Variants in ACSF3 observed in about 807,000 individuals in gnomAD.
ACSF3 encodes the protein malonate--CoA ligase ACSF3, mitochondrial.
ACSF3 carries 78 observed loss-of-function variants against 53.2 expected under a neutral mutation model. That is an observed-to-expected ratio of 1.47 (90% confidence interval 1.22 to 1.77). The LOEUF (loss-of-function observed/expected upper bound fraction) is 1.77, where lower values mean the gene tolerates loss of function less well. Ranked by LOEUF, ACSF3 falls within the 40% of genes most tolerant of loss-of-function variation. The probability of loss-of-function intolerance (pLI) is 0.00; values close to 1 mark genes in which losing one functional copy is unlikely to be tolerated. For missense variants in ACSF3, 937 were observed against 771.1 expected, an observed-to-expected ratio of 1.22 and a Z score of -2.55; for synonymous variants, 414 against 333.1, an observed-to-expected ratio of 1.24 and a Z score of -2.65.
intron 4 of ACSF3, among the ~76,000 whole-genome samples, chr16:89,110,543 G>A (rs1234063721): frequency 1.3e-5 from 2 of 152,174 alleles, no homozygotes; most frequent in Non-Finnish European, 2.9e-5. Flanking sequence ...GCATCACACT[G>A]TGTTCGTTAC....
At chr16:89,147,524 C>CGGGGGG (rs1196214718) in intron 10 of ACSF3, 1 of 2,788 alleles carries the variant, frequency 3.6e-4, no homozygotes, top group African/African-American at 2.0e-3. Flanking sequence ...ACAGAGTGAG[C>CGGGGGG]GGGGGGGGGG....
chr16:89,116,673 G>C (rs571247164), intron 6 of ACSF3, among the ~76,000 whole-genome samples: 33 of 152,310 alleles, frequency 2.2e-4, no homozygotes, highest in African/African-American at 7.0e-4. Context: ...GGCAGTGGGC[G>C]GGTGGGGGCA....
chr16:89,140,538 G>C (rs1911552085), intron 8 of ACSF3, among the ~76,000 whole-genome samples: 1 of 152,202 alleles, frequency 6.6e-6, no homozygotes, highest in Non-Finnish European at 1.5e-5. Context: ...GTGCCATTTG[G>C]GAGCAAAAGT....
At chr16:89,119,576 A>G (rs1906103493) in intron 6 of ACSF3, among the ~76,000 whole-genome samples, 1 of 152,132 alleles carries the variant, frequency 6.6e-6, no homozygotes, top group Non-Finnish European at 1.5e-5. Flanking sequence ...GAAGCAAAAC[A>G]TAAAGGAGGA....
At chr16:89,137,078 GAGC>G (rs370360436) in intron 8 of ACSF3, among the ~76,000 whole-genome samples, 8 of 152,136 alleles carry the variant, frequency 5.3e-5, no homozygotes, top group Admixed American at 6.5e-5. Flanking sequence ...GCAGATGCGG[GAGC>G]AGCAGCAGCA....
chr16:89,114,594 A>T, intron 6 of ACSF3, 107 bp downstream of exon 6: 1 of 1,536,868 alleles, frequency 6.5e-7, no homozygotes, highest in Non-Finnish European at 8.8e-7. Context: ...GGCATGGAGG[A>T]TGCTCCCCCG....
intron 8 of ACSF3, among the ~76,000 whole-genome samples, chr16:89,139,937 C>T (rs927880541): frequency 6.6e-6 from 1 of 152,200 alleles, no homozygotes; most frequent in African/African-American, 2.4e-5. Context: ...TGTCCCCAGA[C>T]CCCTGAGCCC....
At chr16:89,142,818 C>A (rs563635287) in intron 8 of ACSF3, among the ~76,000 whole-genome samples, 1 of 152,390 alleles carries the variant, frequency 6.6e-6, no homozygotes, top group South Asian at 2.1e-4. Flanking sequence ...GACACACCCA[C>A]ACCTAAGGAG....
chr16:89,121,582 T>A (rs1304932830), intron 7 of ACSF3, among the ~76,000 whole-genome samples: 1 of 152,230 alleles, frequency 6.6e-6, no homozygotes, highest in Non-Finnish European at 1.5e-5. Context: ...GGAATCTTGA[T>A]TTAAAAGGAA....
intron 8 of ACSF3, among the ~76,000 whole-genome samples, chr16:89,137,489 AG>A (rs941102044): frequency 2.6e-5 from 3 of 115,860 alleles, no homozygotes; most frequent in African/African-American, 1.0e-4. Flanking sequence ...GGAAAGATTG[AG>A]GGGAAGAGCC....
intron 7 of ACSF3, among the ~76,000 whole-genome samples, chr16:89,124,695 A>ATGTG (rs60796279): frequency 2.0e-5 from 3 of 151,194 alleles, no homozygotes; most frequent in African/African-American, 7.3e-5. Flanking sequence ...CACACACTGC[A>ATGTG]TGTGTGTGTG....
chr16:89,134,685 TGAG>T (rs1910057917), intron 8 of ACSF3, among the ~76,000 whole-genome samples: 1 of 152,240 alleles, frequency 6.6e-6, no homozygotes, highest in African/African-American at 2.4e-5. Context: ...TGCTGTGCTC[TGAG>T]GAGATAGATG....
At chr16:89,148,436 C>T (rs1913512515) in intron 10 of ACSF3, 1 of 152,218 alleles carries the variant, frequency 6.6e-6, no homozygotes, top group Admixed American at 6.5e-5. Flanking sequence ...TCTCCTAAGA[C>T]CCATGTCTCA....
In ACSF3 at chr16:89,102,660, G is replaced by A. The variant is rs1597898369; in HGVS notation, c.723G>A (p.Val241=). 1.2e-6 allele frequency: 2 copies of A among 1,613,834 alleles called. No individual in the cohort carries two copies. Among genetic ancestry groups the A allele is most frequent in the East Asian group, 4.5e-5 (2 of 44,882 alleles). ...AWTKDDVILH[V]LPLHHVHGVV... is the part of the protein sequence containing the mutation. ...CCAAAGACGACGTGATCCTCCACGT[G>A]CTCCCGCTGCACCACGTCCATGGTG... The change falls in exon 4 of 11, where the codon GTG becomes GTA. Residue 241 remains valine (V), a synonymous_variant. Coordinates refer to ENST00000614302, the MANE Select transcript of ACSF3 (RefSeq NM_001243279.3).
Position 89,114,275 on chromosome 16 carries a change from G to A in ACSF3, c.978-64G>A, listed in dbSNP as rs181343421. 2.8e-4 allele frequency: 456 copies of A among 1,606,958 alleles called. 5 individuals are homozygous for A. In the East Asian group the frequency reaches 5.1e-3, roughly 18 times the overall value. On this transcript the variant is annotated intron_variant, in intron 5 of 10. Transcript: ENST00000614302. ...GGCCGCCTCCTGAGGGGCTAAACCT[G>A]CCACCTTTGCACGCGAGAGCCACGT...
rs985319713 is a variant in ACSF3, at chr16:89,155,283, C to T, written c.*1076C>T. On this transcript the variant is annotated 3_prime_UTR_variant, in exon 11 of 11. Coordinates refer to ENST00000614302, the MANE Select transcript of ACSF3 (RefSeq NM_001243279.3). The stretch of plus-strand genomic sequence containing the variant: ...GAACTTACCCAGAACATTCTGCCCC[C>T]GGAATGCACGTCTGAAAGAGTGGCC... 6.8e-5 allele frequency: 31 copies of T among 454,122 alleles called. No homozygotes were observed. The highest frequency in any genetic ancestry group is 1.4e-3 in the Middle Eastern group (2 of 1,444). The allele number at this position is 454,122 out of a possible 1,614,324, so 28.1% of individuals were successfully genotyped here.
At chr16:89,147,495 GA>G (rs1913272206) in intron 10 of ACSF3, 1 of 117,636 alleles carries the variant, frequency 8.5e-6, no homozygotes, top group East Asian at 3.2e-4. Flanking sequence ...CAGAGTGAGT[GA>G]GGGAGGAGGG....
intron 7 of ACSF3, chr16:89,122,482 C>T (rs115686810): frequency 2.0e-4 from 82 of 415,480 alleles, no homozygotes; most frequent in African/African-American, 1.6e-3. Flanking sequence ...CCTGAATACA[C>T]CGGCCCTTCC....
At chr16:89,119,228 C>T (rs1906002694) in intron 6 of ACSF3, among the ~76,000 whole-genome samples, 1 of 152,184 alleles carries the variant, frequency 6.6e-6, no homozygotes, top group Admixed American at 6.5e-5. Context: ...GTGGGACGGC[C>T]ACACGGCCTC....
Sources: allele counts gnomAD v4.1 joint callset (sites outside exome capture counted in the v4.1 genomes callset), GRCh38; gene constraint gnomAD v4.1.1; transcripts MANE v1.5; gene names NCBI Gene and HGNC (gene_info 2026-07-23, HGNC 2026-07-21).